MCU: variants seen among roughly 807,000 people sequenced by gnomAD.
The protein encoded by MCU is calcium uniporter protein, mitochondrial.
A neutral mutation model predicts 45.2 loss-of-function variants in MCU; 12 were observed. The ratio of observed to expected loss-of-function variants is 0.27; its 90% CI spans 0.17 to 0.43. The LOEUF (loss-of-function observed/expected upper bound fraction) is 0.43. Ranked by LOEUF, MCU falls within the 20% of genes least tolerant of loss-of-function variation. MCU has a pLI of 1.00. For synonymous variants in MCU, 160 were observed against 165.1 expected (o/e 0.97, Z 0.24); for missense variants, 324 against 436.7 (o/e 0.74, Z 2.30).
intron 1 of MCU, among the ~76,000 whole-genome samples, chr10:72,714,472 C>T (rs532565718): frequency 4.0e-5 from 6 of 150,228 alleles, no homozygotes; most frequent in Non-Finnish European, 8.9e-5. Flanking sequence ...GGACTATAGG[C>T]CCACACCACC....
chr10:72,882,641 T>G lies in MCU; in HGVS notation c.862-1625T>G, dbSNP rs1216674596. 4.6e-5 allele frequency among the ~76,000 whole-genome samples: 7 copies of G among 152,310 alleles called. No homozygotes were observed. In the South Asian group the frequency reaches 6.2e-4, roughly 14 times the overall value. ...AGACCAGTTGCTCTCAAACCCTGTC[T>G]CCTGATAAGATGTTATCAATGACAA... On this transcript the variant is annotated intron_variant, in intron 6 of 7. Coordinates refer to ENST00000373053, the MANE Select transcript of MCU (RefSeq NM_138357.3).
intron 1 of MCU, among the ~76,000 whole-genome samples, chr10:72,754,190 C>T (rs1374549364): frequency 6.6e-6 from 1 of 152,136 alleles, no homozygotes; most frequent in African/African-American, 2.4e-5. Context: ...TTAGATGCCA[C>T]TTATTTCAGC....
intron 6 of MCU, among the ~76,000 whole-genome samples, chr10:72,881,166 A>G (rs1193693297): frequency 6.6e-6 from 1 of 152,172 alleles, no homozygotes; most frequent in Non-Finnish European, 1.5e-5. Context: ...AAGAAAGGAG[A>G]GTCTTTTTCA....
chr10:72,862,587 A>C (rs971287677), intron 4 of MCU, among the ~76,000 whole-genome samples: 2 of 152,162 alleles, frequency 1.3e-5, no homozygotes, highest in Non-Finnish European at 2.9e-5. Context: ...TTTGTGCCCT[A>C]TGAGATCTAA....
At chr10:72,732,209 G>C (rs898923202) in intron 1 of MCU, among the ~76,000 whole-genome samples, 1 of 152,180 alleles carries the variant, frequency 6.6e-6, no homozygotes, top group African/African-American at 2.4e-5. Flanking sequence ...GATGTTCAGC[G>C]TATCTTTGGA....
chr10:72,784,816 A>G (rs1844048102), intron 1 of MCU, among the ~76,000 whole-genome samples: 1 of 151,996 alleles, frequency 6.6e-6, no homozygotes, highest in Non-Finnish European at 1.5e-5. Flanking sequence ...GGGTGTGGGG[A>G]ATCCCTCCTA....
At chr10:72,879,556 A>G (rs1845669387) in intron 6 of MCU, among the ~76,000 whole-genome samples, 1 of 152,222 alleles carries the variant, frequency 6.6e-6, no homozygotes, top group Non-Finnish European at 1.5e-5. Context: ...ATTTGTCACC[A>G]TCAGATCTGC....
chr10:72,875,746 A>G (rs1168063232), intron 6 of MCU, among the ~76,000 whole-genome samples: 1 of 152,202 alleles, frequency 6.6e-6, no homozygotes, highest in Non-Finnish European at 1.5e-5. Context: ...AATCAAATGG[A>G]ATATTGAGTT....
chr10:72,740,580 A>G (rs1843313299), intron 1 of MCU, among the ~76,000 whole-genome samples: 1 of 152,132 alleles, frequency 6.6e-6, no homozygotes, highest in Admixed American at 6.5e-5. Context: ...CAGAATTGTG[A>G]TTTTTATTTC....
chr10:72,804,072 A>G (rs1564561750), intron 1 of MCU, among the ~76,000 whole-genome samples: 1 of 69,246 alleles, frequency 1.4e-5, no homozygotes, highest in Non-Finnish European at 2.7e-5. Flanking sequence ...ATATATATAT[A>G]TAAAATAAGA....
intron 2 of MCU, among the ~76,000 whole-genome samples, chr10:72,845,393 T>C (rs1845106126): frequency 6.6e-6 from 1 of 152,200 alleles, no homozygotes; most frequent in Non-Finnish European, 1.5e-5. Context: ...ATCTGGTTTT[T>C]CGATATATAA....
At chr10:72,837,092 TGTTA>T (rs1462523327) in intron 2 of MCU, among the ~76,000 whole-genome samples, 3 of 152,198 alleles carry the variant, frequency 2.0e-5, no homozygotes, top group African/African-American at 4.8e-5. Flanking sequence ...TTGTTAATTA[TGTTA>T]GTTGACGAAT....
intron 1 of MCU, among the ~76,000 whole-genome samples, chr10:72,784,031 C>T (rs577497098): frequency 3.3e-4 from 51 of 152,288 alleles, no homozygotes; most frequent in African/African-American, 1.2e-3. Flanking sequence ...ACGTAATTAA[C>T]CCTGCTGCTT....
intron 1 of MCU, among the ~76,000 whole-genome samples, chr10:72,723,127 C>T (rs1301214474): frequency 6.6e-6 from 1 of 151,982 alleles, no homozygotes; most frequent in Non-Finnish European, 1.5e-5. Flanking sequence ...ACCCAGGAGG[C>T]GGAGCTTGCA....
chr10:72,785,728 A>G lies in MCU; in HGVS notation c.151-48631A>G, dbSNP rs1000242519. Among the ~76,000 whole-genome samples the G allele has an allele frequency of 5.9e-5, 9 of 152,198 alleles. No individual in the cohort carries two copies. In the East Asian group the frequency reaches 1.5e-3, roughly 26 times the overall value. ...GACCCTTACAAGGGCTGCAATTTTC[A>G]TCTTGGTTTAATTTGCAAGAAAAAC... is the stretch of plus-strand genomic sequence containing the variant. On this transcript the variant is annotated intron_variant, in intron 1 of 7. Transcript: ENST00000373053.
At chr10:72,843,104 T>C (rs1383022185) in intron 2 of MCU, among the ~76,000 whole-genome samples, 1 of 152,182 alleles carries the variant, frequency 6.6e-6, no homozygotes, top group Non-Finnish European at 1.5e-5. Context: ...AGTCTCCCCA[T>C]GAGAGGGATA....
chr10:72,800,278 C>A (rs1844318905), intron 1 of MCU, among the ~76,000 whole-genome samples: 1 of 152,166 alleles, frequency 6.6e-6, no homozygotes, highest in African/African-American at 2.4e-5. Context: ...AGTGTATAGA[C>A]TTTGTTTCCT....
At chr10:72,876,921 G>GTTTT (rs11365046) in intron 6 of MCU, among the ~76,000 whole-genome samples, 4 of 134,186 alleles carry the variant, frequency 3.0e-5, no homozygotes, top group Non-Finnish European at 4.9e-5. Context: ...TCAAATCACA[G>GTTTT]TTTTTTTTTT....
At chr10:72,798,410 G>A (rs1290802238) in intron 1 of MCU, among the ~76,000 whole-genome samples, 2 of 152,136 alleles carry the variant, frequency 1.3e-5, no homozygotes, top group African/African-American at 2.4e-5. Flanking sequence ...TCCTGCCGCA[G>A]CCTACCAGGT....
Sources: allele counts gnomAD v4.1 joint callset (sites outside exome capture counted in the v4.1 genomes callset), GRCh38; gene constraint gnomAD v4.1.1; transcripts MANE v1.5; gene names NCBI Gene and HGNC (gene_info 2026-07-23, HGNC 2026-07-21).